The following FRMD3 variants were observed in gnomAD, a reference collection of about 807,000 sequenced individuals.
The protein encoded by FRMD3 is FERM domain containing 3, also known as FERM domain-containing protein 3.
A neutral mutation model predicts 70.2 loss-of-function variants in FRMD3; 33 were observed. The ratio of observed to expected loss-of-function variants is 0.47; its 90% CI spans 0.36 to 0.63. The LOEUF (loss-of-function observed/expected upper bound fraction) is 0.63, where lower values mean the gene tolerates loss of function less well. Among genes scored for constraint, FRMD3 ranks in the 20% least tolerant of loss-of-function variants. The pLI is 0.00. For synonymous variants in FRMD3, 279 were observed against 255.9 expected, an observed-to-expected ratio of 1.09 and a Z score of -0.86; for missense variants, 632 against 711.4, an observed-to-expected ratio of 0.89 and a Z score of 1.27.
chr9:83,267,392 G>T, intron 13 of FRMD3: 1 of 1,104,222 alleles, frequency 9.1e-7, no homozygotes, highest in Non-Finnish European at 1.2e-6. Context: ...CCCTACTCTA[G>T]CCTTTCTAAA....
At chr9:83,522,649 C>T (rs1005066701) in intron 1 of FRMD3, among the ~76,000 whole-genome samples, 34 of 150,502 alleles carry the variant, frequency 2.3e-4, no homozygotes, top group Non-Finnish European at 5.9e-5. Flanking sequence ...CTGCAAGCTC[C>T]GCCTCCCAGG....
At chr9:83,517,488 C>A (rs1829478234) in intron 1 of FRMD3, among the ~76,000 whole-genome samples, 1 of 100,106 alleles carries the variant, frequency 1.0e-5, no homozygotes, top group African/African-American at 4.3e-5. Flanking sequence ...TAATAGCCTA[C>A]CAATCCAAAA....
At chr9:83,406,711 C>T (rs74408977) in intron 1 of FRMD3, among the ~76,000 whole-genome samples, 5,764 of 152,218 alleles carry the variant, frequency 0.038, 190 homozygotes, top group East Asian at 0.15. Flanking sequence ...ATGTTGTCAA[C>T]GGGTCCTTAT....
At chr9:83,348,730 A>T (rs1297861129) in intron 4 of FRMD3, among the ~76,000 whole-genome samples, 1 of 151,904 alleles carries the variant, frequency 6.6e-6, no homozygotes, top group African/African-American at 2.4e-5. Flanking sequence ...ACACACACAC[A>T]CCCTCTCTCC....
intron 1 of FRMD3, among the ~76,000 whole-genome samples, chr9:83,450,780 G>A (rs368332018): frequency 1.3e-5 from 2 of 152,088 alleles, no homozygotes; most frequent in African/African-American, 4.8e-5. Context: ...GAAAAATACC[G>A]TGCTGCAAGC....
intron 1 of FRMD3, among the ~76,000 whole-genome samples, chr9:83,509,104 A>T (rs1460288046): frequency 6.6e-6 from 1 of 150,668 alleles, no homozygotes; most frequent in African/African-American, 2.4e-5. Context: ...CCTTCAGGAG[A>T]ATGTAAGCTC....
chr9:83,489,278 C>T (rs539478516), intron 1 of FRMD3, among the ~76,000 whole-genome samples: 1 of 152,038 alleles, frequency 6.6e-6, no homozygotes. Context: ...AACTAAAGAG[C>T]TTTTTCACAG....
intron 2 of FRMD3, 60 bp downstream of exon 2, chr9:83,389,530 GAGAGGAACCCCCAC>G (rs762207193): frequency 1.9e-5 from 18 of 962,780 alleles, no homozygotes; most frequent in Non-Finnish European, 3.1e-5. Context: ...CTAGGGCTTT[GAGAGGAACCCCCAC>G]AGTGCACCAC....
the FRMD3 span, among the ~76,000 whole-genome samples, chr9:83,543,839 T>C: frequency 6.6e-6 from 1 of 152,162 alleles, no homozygotes; most frequent in East Asian, 1.9e-4. Flanking sequence ...GCTCTGTGGG[T>C]GAAGAGTGTG....
intron 1 of FRMD3, among the ~76,000 whole-genome samples, chr9:83,465,895 C>G (rs1476721019): frequency 2.6e-5 from 4 of 152,126 alleles, no homozygotes; most frequent in Admixed American, 2.6e-4. Context: ...TGATCAACAA[C>G]AAAACTCACA....
At chr9:83,243,238 A>G (rs1831941676), downstream of FRMD3, 1 of 1,549,876 alleles carries the variant, frequency 6.5e-7, no homozygotes, top group Non-Finnish European at 8.7e-7. Context: ...ATGCAGGTCC[A>G]AGAGAAAAGG....
intron 1 of FRMD3, among the ~76,000 whole-genome samples, chr9:83,524,387 T>G (rs1336605614): frequency 6.6e-6 from 1 of 152,218 alleles, no homozygotes; most frequent in African/African-American, 2.4e-5. Flanking sequence ...CCATGGTAAG[T>G]TGATTGCAAT....
At chr9:83,304,641 T>C (rs1394604781) in intron 10 of FRMD3, among the ~76,000 whole-genome samples, 1 of 152,178 alleles carries the variant, frequency 6.6e-6, no homozygotes, top group Non-Finnish European at 1.5e-5. Context: ...CAAAACAAAT[T>C]GGGAACACAG....
intron 9 of FRMD3, 30 bp from the exon 10 acceptor site, chr9:83,309,654 G>T: frequency 7.1e-7 from 1 of 1,410,204 alleles, no homozygotes; most frequent in Non-Finnish European, 9.8e-7. Context: ...ACAAGAAAAG[G>T]CACGTAAAAT....
At chr9:83,465,979 A>G (rs1828116655) in intron 1 of FRMD3, among the ~76,000 whole-genome samples, 1 of 152,230 alleles carries the variant, frequency 6.6e-6, no homozygotes, top group South Asian at 2.1e-4. Context: ...ACTTTCAACA[A>G]GAAGTAGTTA....
intron 1 of FRMD3, among the ~76,000 whole-genome samples, chr9:83,407,874 A>C (rs1431126445): frequency 7.8e-3 from 289 of 36,950 alleles, no homozygotes; most frequent in East Asian, 0.014. Flanking sequence ...TCTCTCTCTC[A>C]TCTTTCTCTC....
intron 6 of FRMD3, among the ~76,000 whole-genome samples, chr9:83,320,261 T>A (rs886374558): frequency 4.6e-5 from 7 of 152,294 alleles, no homozygotes; most frequent in Non-Finnish European, 4.4e-5. Flanking sequence ...TTGAACTTTA[T>A]CCTGTTAAAT....
intron 1 of FRMD3, among the ~76,000 whole-genome samples, chr9:83,494,553 T>A (rs1326962909): frequency 6.6e-6 from 1 of 152,226 alleles, no homozygotes; most frequent in Non-Finnish European, 1.5e-5. Flanking sequence ...TTCATTCTTT[T>A]TAAAAATTAT....
chr9:83,403,065 A>G (rs527270829), intron 1 of FRMD3, among the ~76,000 whole-genome samples: 1 of 151,842 alleles, frequency 6.6e-6, no homozygotes, highest in East Asian at 1.9e-4. Flanking sequence ...TACCATGCCC[A>G]GATAATTTTT....
Sources: allele counts gnomAD v4.1 joint callset (sites outside exome capture counted in the v4.1 genomes callset), GRCh38; gene constraint gnomAD v4.1.1; transcripts MANE v1.5; gene names NCBI Gene and HGNC (gene_info 2026-07-23, HGNC 2026-07-21).